The following AR variants were observed in gnomAD, a reference collection of about 807,000 sequenced individuals.
AR encodes the protein androgen receptor.
In AR, 8 loss-of-function variants were observed where a neutral mutation model predicts 53.9. The ratio of observed to expected loss-of-function variants is 0.15; its 90% CI spans 0.09 to 0.27. The LOEUF (loss-of-function observed/expected upper bound fraction) is 0.27, where lower values mean the gene tolerates loss of function less well. Among genes scored for constraint, AR ranks in the 10% least tolerant of loss-of-function variants. AR has a pLI of 1.00. For missense variants in AR, 639 were observed against 742.5 expected (o/e 0.86, Z 1.62); for synonymous variants, 359 against 316.4 (o/e 1.13, Z -1.43).
At chrX:67,589,198 G>A (rs955979795) in intron 1 of AR, among the ~76,000 whole-genome samples, 4 of 109,394 alleles carry the variant, frequency 3.7e-5, no homozygotes, top group Non-Finnish European at 7.6e-5. Flanking sequence ...GGGAAGCGGA[G>A]CTTGCAGTGA....
chrX:67,717,682 G>T (rs1479252585), intron 5 of AR, 60 bp downstream of exon 5: 23 of 1,183,918 alleles, frequency 1.9e-5, no homozygotes, highest in Non-Finnish European at 2.5e-5. Flanking sequence ...GACCTGGTTG[G>T]TGGTGATGGT....
intron 2 of AR, among the ~76,000 whole-genome samples, chrX:67,678,716 A>G (rs188947369): frequency 3.6e-5 from 4 of 111,139 alleles, no homozygotes; most frequent in Admixed American, 1.9e-4. Context: ...CCTGGTGTCT[A>G]TTGTTCCCCT....
At chrX:67,629,803 C>T (rs1475302375) in intron 1 of AR, among the ~76,000 whole-genome samples, 1 of 110,723 alleles carries the variant, frequency 9.0e-6, no homozygotes, top group East Asian at 2.9e-4. Context: ...CTACACACTG[C>T]TTTGAATGTG....
Position 67,569,215 on chromosome X carries a change from G to T in AR, c.1616+22453G>T, listed in dbSNP as rs113613897. Among the ~76,000 whole-genome samples the T allele has an allele frequency of 0.021, 2,227 of 104,092 alleles. 38 individuals carry two copies. Among genetic ancestry groups the T allele is most frequent in the Non-Finnish European group, 0.033 (1,657 of 50,736 alleles). The allele number at this position is 104,092 out of a possible 115,157, so 90.4% of individuals were successfully genotyped here. A position where few individuals can be genotyped will look rare whatever the true frequency, so the allele number is the denominator to read the frequency against. On this transcript the variant is annotated intron_variant, in intron 1 of 7. Coordinates refer to ENST00000374690, the MANE Select transcript of AR (RefSeq NM_000044.6). ...TGTGGGTGGGGGATTTTGTGTGTGG[G>T]GGGGGGTTGGGGGTTGAGCAATTCA...
rs765053670 is a variant in AR at position 67,689,935 on chromosome X, G to A, written c.1885+3809G>A. Among the ~76,000 whole-genome samples the A allele has an allele frequency of 4.5e-5, 5 of 111,509 alleles. No homozygotes were observed. In the South Asian group the frequency reaches 1.9e-3, roughly 43 times the overall value. On this transcript the variant is annotated intron_variant, in intron 3 of 7. Coordinates refer to ENST00000374690, the MANE Select transcript of AR (RefSeq NM_000044.6). Reference sequence around the variant, plus strand: ...TGAGAAATAAAGAAGTGCCCTTCCTGCCATCTTCTCCCCTGACCCTTTCCT... The same window carrying A: ...TGAGAAATAAAGAAGTGCCCTTCCTACCATCTTCTCCCCTGACCCTTTCCT...
At chrX:67,664,807 C>T (rs1439700926) in intron 2 of AR, among the ~76,000 whole-genome samples, 1 of 112,546 alleles carries the variant, frequency 8.9e-6, no homozygotes, top group East Asian at 2.8e-4. Flanking sequence ...ACTCAAGCTT[C>T]AGCAATGGCG....
intron 7 of AR, among the ~76,000 whole-genome samples, chrX:67,723,312 C>CTCTGTGTG (rs1555997940): frequency 0.015 from 1,149 of 77,999 alleles, 53 homozygotes; most frequent in African/African-American, 0.034. Flanking sequence ...GTTTGTCTGT[C>CTCTGTGTG]TGTGTGTGTG....
chrX:67,672,135 G>A (rs2075869369), intron 2 of AR, among the ~76,000 whole-genome samples: 1 of 111,446 alleles, frequency 9.0e-6, no homozygotes, highest in Non-Finnish European at 1.9e-5. Flanking sequence ...CCCCCACGGA[G>A]TCCTCAAAGT....
intron 2 of AR, among the ~76,000 whole-genome samples, chrX:67,660,230 T>A (rs764786546): frequency 8.9e-6 from 1 of 112,423 alleles, no homozygotes; most frequent in Admixed American, 9.4e-5. Context: ...AGATCCCATT[T>A]GTCAATTTTG....
At chrX:67,634,524 A>G (rs1477972368) in intron 1 of AR, among the ~76,000 whole-genome samples, 1 of 112,077 alleles carries the variant, frequency 8.9e-6, no homozygotes, top group Non-Finnish European at 1.9e-5. Context: ...GATGGACATG[A>G]AAACTAGATC....
At chrX:67,587,827 T>C (rs964284242) in intron 1 of AR, among the ~76,000 whole-genome samples, 8 of 110,540 alleles carry the variant, frequency 7.2e-5, no homozygotes, top group African/African-American at 2.6e-4. Flanking sequence ...AGAATGAAAA[T>C]GAGATCCCAC....
chrX:67,658,590 G>A (rs1385646827), intron 2 of AR, among the ~76,000 whole-genome samples: 1 of 111,789 alleles, frequency 8.9e-6, no homozygotes, highest in East Asian at 2.8e-4. Context: ...CTCCTGAGTA[G>A]CTGGGACTAC....
intron 1 of AR, among the ~76,000 whole-genome samples, chrX:67,569,841 G>C (rs1425470175): frequency 1.8e-5 from 2 of 111,161 alleles, no homozygotes; most frequent in Admixed American, 1.9e-4. Flanking sequence ...GCCATTCTTT[G>C]TGTGACTGCT....
intron 1 of AR, among the ~76,000 whole-genome samples, chrX:67,577,001 TCTC>T (rs1363499939): frequency 1.2e-4 from 12 of 103,654 alleles, no homozygotes; most frequent in African/African-American, 4.0e-4. Flanking sequence ...TCTCTCTCTC[TCTC>T]TTTTTTTTTT....
At chrX:67,557,012 G>T (rs1251160926) in intron 1 of AR, among the ~76,000 whole-genome samples, 1 of 111,133 alleles carries the variant, frequency 9.0e-6, no homozygotes, top group East Asian at 2.9e-4. Flanking sequence ...TGTATTGGAC[G>T]GTTTTGAGCA....
chrX:67,608,900 G>A (rs1342428736), intron 1 of AR, among the ~76,000 whole-genome samples: 1 of 109,962 alleles, frequency 9.1e-6, no homozygotes, highest in Non-Finnish European at 1.9e-5. Context: ...ATTGCTTCTT[G>A]GCATACCCTT....
intron 1 of AR, among the ~76,000 whole-genome samples, chrX:67,621,278 C>T (rs939134470): frequency 4.5e-5 from 5 of 111,195 alleles, no homozygotes; most frequent in East Asian, 2.8e-4. Flanking sequence ...GGTTCAGCCT[C>T]GAGTGGCCAT....
intron 1 of AR, among the ~76,000 whole-genome samples, chrX:67,609,105 G>A (rs1923762483): frequency 1.8e-5 from 2 of 110,819 alleles, no homozygotes; most frequent in Middle Eastern, 4.3e-3. Flanking sequence ...GCATTGCCCT[G>A]GAGTAAATGT....
At chrX:67,595,069 A>C (rs1348656260) in intron 1 of AR, among the ~76,000 whole-genome samples, 1 of 111,784 alleles carries the variant, frequency 8.9e-6, no homozygotes, top group Non-Finnish European at 1.9e-5. Flanking sequence ...TCAGATCGGC[A>C]GAAGTTGTGG....
Sources: gnomAD v4.1 joint callset for allele counts (sites outside exome capture counted in the v4.1 genomes callset) on GRCh38, gnomAD v4.1.1 for gene constraint, MANE v1.5 for transcripts, NCBI Gene and HGNC (gene_info 2026-07-23, HGNC 2026-07-21) for gene names.